LUZP2: variants seen among roughly 807,000 people sequenced by gnomAD.
LUZP2 encodes leucine zipper protein 2.
LUZP2 carries 52 observed loss-of-function variants against 51.6 expected under a neutral mutation model. The observed-to-expected ratio is 1.01, with a 90% CI of 0.81 to 1.27. The LOEUF (loss-of-function observed/expected upper bound fraction) is 1.27, where lower values mean the gene tolerates loss of function less well. Among genes scored for constraint, LUZP2 ranks in the 50% most tolerant of loss-of-function variants. The probability of loss-of-function intolerance (pLI) is 0.00; values close to 1 mark genes in which losing one functional copy is unlikely to be tolerated. For synonymous variants in LUZP2, 154 were observed against 137.3 expected (o/e 1.12, Z -0.85); for missense variants, 436 against 395.4 (o/e 1.10, Z -0.87).
chr11:24,600,774 G>A (rs1794250625), intron 1 of LUZP2, among the ~76,000 whole-genome samples: 1 of 151,756 alleles, frequency 6.6e-6, no homozygotes, highest in Non-Finnish European at 1.5e-5. Flanking sequence ...AGAGAAGGAT[G>A]TGCTCATGGT....
intron 1 of LUZP2, among the ~76,000 whole-genome samples, chr11:24,568,252 C>T (rs116895491): frequency 0.014 from 2,113 of 150,916 alleles, 39 homozygotes; most frequent in South Asian, 0.06. Context: ...CCCAGCTACT[C>T]GAGAGGCTGA....
chr11:25,011,915 C>T (rs901577096), intron 9 of LUZP2, among the ~76,000 whole-genome samples: 1 of 151,374 alleles, frequency 6.6e-6, no homozygotes, highest in Non-Finnish European at 1.5e-5. Flanking sequence ...TTTTAATAAC[C>T]TTACCAAAAT....
rs757349989 is a variant in LUZP2, at chr11:24,546,957, TTGTTGTTGGTGGTGGTGG to T, written c.62+49655_62+49672del. Among the ~76,000 whole-genome samples the T allele has an allele frequency of 4.1e-3, 326 of 80,216 alleles. 3 individuals are homozygous for T. The highest frequency in any genetic ancestry group is 0.013 in the African/African-American group (299 of 23,612). The allele number at this position is 80,216 out of a possible 152,430, so 52.6% of individuals were successfully genotyped here. A position where few individuals can be genotyped will look rare whatever the true frequency, so the allele number is the denominator to read the frequency against. On this transcript the variant is annotated intron_variant, in intron 1 of 11. Transcript: ENST00000336930. Reference sequence around the variant, plus strand: ...GTGTGTGTTTTTGTTGTTGTTGTTGTTGTTGTTGGTGGTGGTGGTGGTGGTGGTGGTGGTGGTGGTTGG... The same window carrying T: ...GTGTGTGTTTTTGTTGTTGTTGTTGTTGGTGGTGGTGGTGGTGGTGGTTGG...
intron 1 of LUZP2, among the ~76,000 whole-genome samples, chr11:24,551,379 A>G (rs1009658322): frequency 2.6e-5 from 4 of 152,058 alleles, no homozygotes; most frequent in African/African-American, 9.7e-5. Flanking sequence ...AAATATCTAC[A>G]ATAGCCAAGT....
At chr11:24,809,317 A>G (rs141850119) in intron 5 of LUZP2, among the ~76,000 whole-genome samples, 1 of 152,270 alleles carries the variant, frequency 6.6e-6, no homozygotes, top group East Asian at 1.9e-4. Flanking sequence ...GGATAGCCTG[A>G]TTTTGCAGAA....
chr11:24,683,657 A>T (rs934719301), intron 1 of LUZP2, among the ~76,000 whole-genome samples: 11 of 152,298 alleles, frequency 7.2e-5, no homozygotes, highest in African/African-American at 2.6e-4. Context: ...CATTAGAGAC[A>T]TTTGCCTTTA....
chr11:24,729,275 G>A lies in LUZP2; in HGVS notation c.169G>A (p.Val57Ile), dbSNP rs1470450032. The change falls in exon 2 of 12, where the codon GTC (valine) becomes ATC (isoleucine). Residue 57 changes from valine (V) to isoleucine (I), a missense_variant. Coordinates refer to ENST00000336930, the MANE Select transcript of LUZP2 (RefSeq NM_001009909.4). Reference sequence around the variant, plus strand: ...ATCAAGAGAACTTGATGGAATTAAAGTCAATCTTCAGGTGAGATGAGAACT... The same window carrying A: ...ATCAAGAGAACTTGATGGAATTAAAATCAATCTTCAGGTGAGATGAGAACT... ...KTSRELDGIK[V>I]NLQSLKNDEQ... is the part of the protein sequence containing the mutation. 6.5e-7 allele frequency: 1 copy of A among 1,538,266 alleles called. No individual in the cohort carries two copies. The highest frequency in any genetic ancestry group is 8.9e-7 in the Non-Finnish European group (1 of 1,127,922).
At chr11:24,508,742 A>G (rs1272710775) in intron 1 of LUZP2, among the ~76,000 whole-genome samples, 1 of 152,148 alleles carries the variant, frequency 6.6e-6, no homozygotes, top group Non-Finnish European at 1.5e-5. Context: ...CTTGTTTTCT[A>G]TGTGTAAGAA....
At chr11:24,729,138 G>A (rs746720215) in intron 1 of LUZP2, 31 bp from the exon 2 acceptor site, 4 of 1,210,794 alleles carry the variant, frequency 3.3e-6, no homozygotes, top group Middle Eastern at 2.1e-4. Flanking sequence ...AACCATTTGG[G>A]GGGCTCTCAT....
At chr11:24,882,391 C>T (rs186217604) in intron 5 of LUZP2, among the ~76,000 whole-genome samples, 3 of 141,750 alleles carry the variant, frequency 2.1e-5, no homozygotes, top group African/African-American at 9.4e-5. Context: ...CTTCACTCAA[C>T]ATCCCACACC....
intron 4 of LUZP2, among the ~76,000 whole-genome samples, chr11:24,749,137 C>T (rs921584176): frequency 6.6e-6 from 1 of 152,176 alleles, no homozygotes; most frequent in Non-Finnish European, 1.5e-5. Context: ...ATAGAAACAG[C>T]TTACAGTAGA....
At chr11:24,627,370 G>A (rs1262621495) in intron 1 of LUZP2, among the ~76,000 whole-genome samples, 1 of 152,184 alleles carries the variant, frequency 6.6e-6, no homozygotes, top group Admixed American at 6.6e-5. Context: ...GGCCAGAAAT[G>A]TCAGTGCTCA....
intron 5 of LUZP2, among the ~76,000 whole-genome samples, chr11:24,785,009 G>C (rs1245674490): frequency 6.6e-6 from 1 of 151,972 alleles, no homozygotes; most frequent in African/African-American, 2.4e-5. Flanking sequence ...TAATTCCACA[G>C]ATCTGTGGAA....
chr11:24,816,233 C>T (rs186914748), intron 5 of LUZP2, among the ~76,000 whole-genome samples: 51 of 152,036 alleles, frequency 3.4e-4, no homozygotes, highest in Non-Finnish European at 5.2e-4. Flanking sequence ...CTCTGTGAGG[C>T]TTTTTTTCCT....
At chr11:24,970,103 G>T (rs1590788729) in intron 7 of LUZP2, among the ~76,000 whole-genome samples, 1 of 152,066 alleles carries the variant, frequency 6.6e-6, no homozygotes, top group Non-Finnish European at 1.5e-5. Context: ...CATCTTCTGT[G>T]TCTCTGGTAG....
intron 9 of LUZP2, among the ~76,000 whole-genome samples, chr11:25,041,200 G>A (rs936754556): frequency 6.6e-5 from 10 of 152,070 alleles, no homozygotes; most frequent in African/African-American, 2.2e-4. Flanking sequence ...AAACTGGATA[G>A]TATTGAATCC....
At chr11:24,995,154 C>G (rs970019826) in intron 9 of LUZP2, among the ~76,000 whole-genome samples, 1 of 152,044 alleles carries the variant, frequency 6.6e-6, no homozygotes, top group Admixed American at 6.6e-5. Context: ...TTTTGGAGGC[C>G]GAGGCAGGTG....
chr11:24,524,772 C>A (rs965279572), intron 1 of LUZP2, among the ~76,000 whole-genome samples: 2 of 151,646 alleles, frequency 1.3e-5, no homozygotes, highest in African/African-American at 4.8e-5. Flanking sequence ...CCTTGAATGT[C>A]ATCTCATTTA....
At chr11:24,670,980 CTCAT>C (rs1303025306) in intron 1 of LUZP2, among the ~76,000 whole-genome samples, 1 of 151,714 alleles carries the variant, frequency 6.6e-6, no homozygotes, top group Admixed American at 6.6e-5. Context: ...CTAATTCTCT[CTCAT>C]TATTATTCTT....
Sources: gnomAD v4.1 joint callset for allele counts (sites outside exome capture counted in the v4.1 genomes callset) on GRCh38, gnomAD v4.1.1 for gene constraint, MANE v1.5 for transcripts, NCBI Gene and HGNC (gene_info 2026-07-23, HGNC 2026-07-21) for gene names.